Variants in NMBR observed in about 807,000 individuals in gnomAD.
NMBR encodes the protein neuromedin-B receptor.
In NMBR, 16 loss-of-function variants were observed where a neutral mutation model predicts 20.5. The ratio of observed to expected loss-of-function variants is 0.78; its 90% CI spans 0.53 to 1.19. The LOEUF is 1.19. Ranked by LOEUF, NMBR falls within the 50% of genes most tolerant of loss-of-function variation. The pLI, the probability that NMBR is intolerant of heterozygous loss-of-function variation, is 0.00. For synonymous variants in NMBR, 212 were observed against 196.6 expected (o/e 1.08, Z -0.65); for missense variants, 582 against 499.1 (o/e 1.17, Z -1.58).
chr6:142,133,371 A>T (rs1363703885), intron 1 of NMBR, among the ~76,000 whole-genome samples: 1 of 152,164 alleles, frequency 6.6e-6, no homozygotes, highest in East Asian at 1.9e-4. Context: ...AAATTCAGGA[A>T]GTGTCTTTAG....
At chr6:142,083,441 T>C (rs1453661282) in intron 2 of NMBR, among the ~76,000 whole-genome samples, 4 of 152,190 alleles carry the variant, frequency 2.6e-5, no homozygotes, top group Non-Finnish European at 5.9e-5. Flanking sequence ...TTTTTAGTCC[T>C]GTGGTGTGTT....
rs768711550 is a variant in NMBR at position 142,075,049 on chromosome 6, CTTA to C, written c.*596_*598del. On this transcript the variant is annotated 3_prime_UTR_variant, in exon 4 of 4. Coordinates refer to ENST00000258042, the MANE Select transcript of NMBR (RefSeq NM_002511.4). Reference sequence around the variant, plus strand: ...ATTAAGCTCCACCTTTGAATTTTTTCTTATTTTCTTAAAATGAAGGACGTGTGT... The same window carrying C: ...ATTAAGCTCCACCTTTGAATTTTTTCTTTTCTTAAAATGAAGGACGTGTGT... 2.0e-4 allele frequency among the ~76,000 whole-genome samples: 30 copies of C among 151,594 alleles called. No homozygotes were observed. The highest frequency in any genetic ancestry group is 1.0e-3 in the South Asian group (5 of 4,816).
chr6:142,138,337 C>A (rs1778299923), intron 1 of NMBR, among the ~76,000 whole-genome samples: 1 of 152,084 alleles, frequency 6.6e-6, no homozygotes, highest in African/African-American at 2.4e-5. Flanking sequence ...GTTTTCTCTA[C>A]ATGAAAGCAC....
Position 142,094,826 on chromosome 6 carries a change from A to C in NMBR, c.-663-5505T>G, listed in dbSNP as rs1272544652. 2.6e-5 allele frequency among the ~76,000 whole-genome samples: 4 copies of C among 151,890 alleles called. No homozygotes were observed. In the South Asian group the frequency reaches 6.2e-4, roughly 24 times the overall value. On this transcript the variant is annotated intron_variant, in intron 1 of 3. Transcript: ENST00000258042. ...ATTTCTTTGTATCCTCTTTTATTTC[A>C]TTGAGCAGTGGTTTGTAGTTCTCCT...
chr6:142,109,299 C>T (rs1394816880), intron 1 of NMBR, among the ~76,000 whole-genome samples: 1 of 152,170 alleles, frequency 6.6e-6, no homozygotes, highest in Admixed American at 6.5e-5. Flanking sequence ...CCCTTCCACA[C>T]TTGCACCCAT....
intron 1 of NMBR, among the ~76,000 whole-genome samples, chr6:142,138,519 G>C (rs1296917284): frequency 6.6e-6 from 1 of 152,150 alleles, no homozygotes; most frequent in Non-Finnish European, 1.5e-5. Flanking sequence ...CATGCCAACA[G>C]GGTGGGGACT....
At position 142,141,739 on chromosome 6, in the gene NMBR, G is replaced by A. The variant is rs564251957; in HGVS notation, c.-664+5305C>T. Among the ~76,000 whole-genome samples the A allele has an allele frequency of 7.6e-4, 116 of 152,118 alleles. 1 individual carries two copies. The highest frequency in any genetic ancestry group is 6.9e-3 in the Admixed American group (106 of 15,284). On this transcript the variant is annotated intron_variant, in intron 1 of 3. Coordinates refer to ENST00000258042, the MANE Select transcript of NMBR (RefSeq NM_002511.4). ...CAGGCTGTCTCGAACTCCTGACCCCGCGATTCACCGGCCTCGGCCTCCCAA... is the reference window on the plus strand; with the variant it reads ...CAGGCTGTCTCGAACTCCTGACCCCACGATTCACCGGCCTCGGCCTCCCAA...
At position 142,074,583 on chromosome 6, in the gene NMBR, G is replaced by C. The variant is rs2717; in HGVS notation, c.*1065C>G. Among the ~76,000 whole-genome samples the C allele has an allele frequency of 6.6e-6, 1 of 151,922 alleles. No individual in the cohort carries two copies. The highest frequency in any genetic ancestry group is 1.5e-5 in the Non-Finnish European group (1 of 67,930). ...ATTTTCCTAAAAAAAGAAGACATTT[G>C]TTCAGAGAAAACTGTGGTATCATGC... is the stretch of plus-strand genomic sequence containing the variant. On this transcript the variant is annotated 3_prime_UTR_variant, in exon 4 of 4. Coordinates refer to ENST00000258042, the MANE Select transcript of NMBR (RefSeq NM_002511.4).
At chr6:142,102,015 A>C (rs1777573203) in intron 1 of NMBR, among the ~76,000 whole-genome samples, 1 of 152,200 alleles carries the variant, frequency 6.6e-6, no homozygotes, top group East Asian at 1.9e-4. Context: ...GATAATACCA[A>C]GAGCTTGGAG....
chr6:142,081,662 T>C (rs1372832865), intron 2 of NMBR, among the ~76,000 whole-genome samples: 1 of 152,216 alleles, frequency 6.6e-6, no homozygotes, highest in African/African-American at 2.4e-5. Flanking sequence ...TGTGTATCTT[T>C]GAAAGGATAA....
At chr6:142,100,184 T>C (rs1281630555) in intron 1 of NMBR, among the ~76,000 whole-genome samples, 2 of 152,216 alleles carry the variant, frequency 1.3e-5, no homozygotes, top group Non-Finnish European at 2.9e-5. Context: ...ACTCTTACTA[T>C]GTTATTCATC....
chr6:142,122,049 C>T (rs967276651), intron 1 of NMBR, among the ~76,000 whole-genome samples: 5 of 151,986 alleles, frequency 3.3e-5, no homozygotes, highest in Admixed American at 1.3e-4. Context: ...TTTTAAGCCC[C>T]TCTCCTCAGC....
chr6:142,133,899 C>T (rs543603733), intron 1 of NMBR: 13 of 701,936 alleles, frequency 1.9e-5, no homozygotes, highest in South Asian at 3.0e-5. Flanking sequence ...TTCTTTGGAT[C>T]GATCCGAATA....
At chr6:142,118,210 G>T (rs546971469) in intron 1 of NMBR, among the ~76,000 whole-genome samples, 154 of 151,950 alleles carry the variant, frequency 1.0e-3, no homozygotes, top group Non-Finnish European at 1.6e-3. Context: ...TAAAGTGATT[G>T]GAAATAACAT....
At chr6:142,134,096 A>G in intron 1 of NMBR, 1 of 561,196 alleles carries the variant, frequency 1.8e-6, no homozygotes, top group East Asian at 2.9e-5. Flanking sequence ...CTTTAAATGT[A>G]AAATAATGTC....
intron 2 of NMBR, among the ~76,000 whole-genome samples, chr6:142,081,626 C>T (rs188158392): frequency 6.6e-6 from 1 of 151,812 alleles, no homozygotes; most frequent in Non-Finnish European, 1.5e-5. Context: ...TTACAATTGT[C>T]GAAGAAAAAT....
intron 1 of NMBR, among the ~76,000 whole-genome samples, chr6:142,114,104 G>A (rs570731374): frequency 1.2e-3 from 179 of 152,228 alleles, no homozygotes; most frequent in Non-Finnish European, 2.1e-3. Context: ...CAGCTGCAAA[G>A]TGTTCTGGAG....
At chr6:142,131,901 C>T (rs759269264) in intron 1 of NMBR, among the ~76,000 whole-genome samples, 18 of 152,174 alleles carry the variant, frequency 1.2e-4, no homozygotes, top group Non-Finnish European at 2.5e-4. Flanking sequence ...ATGGTAAAAG[C>T]CAAAGCACTA....
intron 1 of NMBR, among the ~76,000 whole-genome samples, chr6:142,113,358 C>G (rs779134916): frequency 6.6e-6 from 1 of 152,044 alleles, no homozygotes; most frequent in Non-Finnish European, 1.5e-5. Flanking sequence ...GTTGGTGATT[C>G]AAACTTCTGG....
Sources: gnomAD v4.1 joint callset for allele counts (sites outside exome capture counted in the v4.1 genomes callset) on GRCh38, gnomAD v4.1.1 for gene constraint, MANE v1.5 for transcripts, NCBI Gene and HGNC (gene_info 2026-07-23, HGNC 2026-07-21) for gene names.